CATSPERB: variants seen among roughly 807,000 people sequenced by gnomAD.
The protein encoded by CATSPERB is catsper channel auxiliary subunit beta.
CATSPERB carries 93 observed loss-of-function variants against 128.3 expected under a neutral mutation model. The ratio of observed to expected loss-of-function variants is 0.72; its 90% CI spans 0.61 to 0.86. The LOEUF is 0.86. Among genes scored for constraint, CATSPERB ranks in the 40% least tolerant of loss-of-function variants. The pLI is 0.00. For missense variants in CATSPERB, 1,153 were observed against 1,329.5 expected (o/e 0.87, Z 2.06); for synonymous variants, 381 against 448.8 (o/e 0.85, Z 1.91).
At chr14:91,660,112 TCTCTCACA>T (rs1372463599) in intron 14 of CATSPERB, 131 bp from the exon 15 acceptor site, 2,670 of 576,720 alleles carry the variant, frequency 4.6e-3, no homozygotes, top group East Asian at 8.4e-3. Context: ...TCTCTCTCTC[TCTCTCACA>T]CACACACACA....
intron 14 of CATSPERB, among the ~76,000 whole-genome samples, chr14:91,668,603 C>G (rs1226591729): frequency 1.3e-5 from 2 of 152,334 alleles, no homozygotes; most frequent in Admixed American, 1.3e-4. Context: ...TCGCTCTTCA[C>G]AATAAGTCTT....
At chr14:91,693,942 G>C (rs146464925) in intron 7 of CATSPERB, among the ~76,000 whole-genome samples, 3 of 152,182 alleles carry the variant, frequency 2.0e-5, no homozygotes, top group African/African-American at 4.8e-5. Flanking sequence ...TTTATCACTG[G>C]AGATAGGGAA....
At chr14:91,622,233 A>G (rs1377204162) in intron 18 of CATSPERB, among the ~76,000 whole-genome samples, 1 of 152,106 alleles carries the variant, frequency 6.6e-6, no homozygotes, top group Non-Finnish European at 1.5e-5. Context: ...CTATGGAAAT[A>G]CTAAAAGCCT....
chr14:91,633,084 C>T (rs1374305809), intron 17 of CATSPERB, among the ~76,000 whole-genome samples: 2 of 152,200 alleles, frequency 1.3e-5, no homozygotes, highest in South Asian at 2.1e-4. Context: ...TCACAACTTA[C>T]TACTTTTTGT....
In CATSPERB at chr14:91,591,918, C is replaced by G; in HGVS notation, c.2794G>C (p.Val932Leu). 1 of 1,613,436 alleles carries G rather than the reference C, an allele frequency of 6.2e-7. No individual in the cohort carries two copies. The change falls in exon 23 of 27, where the codon GTT becomes CTT. Residue 932 changes from valine to leucine, a missense_variant. Val to Leu is a conservative substitution (Grantham distance 32). Transcript: ENST00000256343. Reference protein sequence around the residue: ...CTKDQKFSHAVAFSDCREKVP... With the variant: ...CTKDQKFSHALAFSDCREKVP... ...TTTTCCCTGCAATCCGAGAAAGCAA[C>G]AGCATGTGAAAACTTCTGATCCTTT...
rs1416744847 is a variant in CATSPERB at position 91,603,128 on chromosome 14, G to A, written c.2709+5166C>T. 3 of 786,194 alleles carry A rather than the reference G, an allele frequency of 3.8e-6. No homozygotes were observed. In the Admixed American group the frequency reaches 5.1e-5, roughly 13 times the overall value. The allele number at this position is 786,194 out of a possible 1,614,324, so 48.7% of individuals were successfully genotyped here. A position where few individuals can be genotyped will look rare whatever the true frequency, so the allele number is the denominator to read the frequency against. On this transcript the variant is annotated intron_variant, in intron 22 of 26. Transcript: ENST00000256343. ...CTCTCTTGGAAGTCTTCTCCAATCTGGTATCCACTCTTCCTTGTATACCTT... is the reference window on the plus strand; with the variant it reads ...CTCTCTTGGAAGTCTTCTCCAATCTAGTATCCACTCTTCCTTGTATACCTT...
intron 5 of CATSPERB, 145 bp downstream of exon 5, chr14:91,719,273 T>A (rs1895991341): frequency 2.1e-6 from 1 of 478,366 alleles, no homozygotes; most frequent in African/African-American, 2.0e-5. Flanking sequence ...AAACCACAGA[T>A]AATTTTTAGT....
At chr14:91,673,245 G>A (rs1895130450) in intron 12 of CATSPERB, among the ~76,000 whole-genome samples, 1 of 152,158 alleles carries the variant, frequency 6.6e-6, no homozygotes, top group Non-Finnish European at 1.5e-5. Context: ...CCTTAGGCAA[G>A]GAACTGAAAC....
chr14:91,673,399 T>G (rs1263322370), intron 12 of CATSPERB, among the ~76,000 whole-genome samples: 1 of 152,186 alleles, frequency 6.6e-6, no homozygotes, highest in Non-Finnish European at 1.5e-5. Context: ...GGTTTGAGAT[T>G]TTTATCTACC....
Position 91,669,982 on chromosome 14 carries a change from C to T in CATSPERB, c.1129-10G>A. 1 of 1,608,258 alleles carries T rather than the reference C, an allele frequency of 6.2e-7. No homozygotes were observed. The highest frequency in any genetic ancestry group is 1.1e-5 in the South Asian group (1 of 89,590). On this transcript the variant is annotated splice_polypyrimidine_tract_variant and intron_variant, in intron 13 of 26. Coordinates refer to ENST00000256343, the MANE Select transcript of CATSPERB (RefSeq NM_024764.4). ...TGGCAGTTTTCCTGACCTAGGTAAA[C>T]AAAGAATGAGCAAGTCATAAGACTA...
At chr14:91,640,081 C>T (rs1353298596) in intron 15 of CATSPERB, among the ~76,000 whole-genome samples, 1 of 152,108 alleles carries the variant, frequency 6.6e-6, no homozygotes, top group Non-Finnish European at 1.5e-5. Flanking sequence ...TGCCTTCCAA[C>T]AGCTTCATTC....
At chr14:91,596,319 T>C (rs2139764230) in intron 22 of CATSPERB, among the ~76,000 whole-genome samples, 1 of 152,082 alleles carries the variant, frequency 6.6e-6, no homozygotes, top group East Asian at 1.9e-4. Flanking sequence ...TTCTCCTTCC[T>C]CAGCCTCCTG....
At chr14:91,731,386 G>T (rs1896207188) in intron 1 of CATSPERB, among the ~76,000 whole-genome samples, 1 of 152,008 alleles carries the variant, frequency 6.6e-6, no homozygotes, top group South Asian at 2.1e-4. Context: ...TCAACTTTCA[G>T]CTCATAGTTA....
chr14:91,648,655 T>C (rs1009591358), intron 15 of CATSPERB, among the ~76,000 whole-genome samples: 2 of 149,516 alleles, frequency 1.3e-5, no homozygotes, highest in African/African-American at 2.4e-5. Flanking sequence ...AAGAACTTTG[T>C]TTATTGAATA....
chr14:91,589,742 GAA>G, intron 23 of CATSPERB, 73 bp from the exon 24 acceptor site: 4 of 1,429,636 alleles, frequency 2.8e-6, no homozygotes, highest in Non-Finnish European at 3.8e-6. Context: ...GGTAAAAAAC[GAA>G]AAGATATATT....
intron 26 of CATSPERB, among the ~76,000 whole-genome samples, chr14:91,585,147 G>C (rs1424375010): frequency 6.6e-6 from 1 of 152,080 alleles, no homozygotes; most frequent in East Asian, 1.9e-4. Flanking sequence ...CTCCAGAGTA[G>C]CTGGAACTAC....
chr14:91,660,114 TCTCA>T (rs878968077), intron 14 of CATSPERB, 133 bp from the exon 15 acceptor site: 9,948 of 335,564 alleles, frequency 0.03, 15 homozygotes, highest in African/African-American at 0.047. Context: ...TCTCTCTCTC[TCTCA>T]CACACACACA....
intron 17 of CATSPERB, 141 bp downstream of exon 17, chr14:91,636,284 G>C (rs1454745212): frequency 1.4e-6 from 1 of 712,846 alleles, no homozygotes; most frequent in African/African-American, 1.8e-5. Context: ...CATTGCTTGA[G>C]CCTGGGAGAT....
At chr14:91,594,892 C>T (rs1418157227) in intron 22 of CATSPERB, among the ~76,000 whole-genome samples, 1 of 152,074 alleles carries the variant, frequency 6.6e-6, no homozygotes, top group Non-Finnish European at 1.5e-5. Flanking sequence ...AGTTGTCTGG[C>T]TTCAGTTTGC....
Sources: allele counts gnomAD v4.1 joint callset (sites outside exome capture counted in the v4.1 genomes callset), GRCh38; gene constraint gnomAD v4.1.1; transcripts MANE v1.5; gene names NCBI Gene and HGNC (gene_info 2026-07-23, HGNC 2026-07-21).